Variants in POC1B observed in about 807,000 individuals in gnomAD.
POC1B encodes the protein POC1 centriolar protein homolog B.
POC1B carries 44 observed loss-of-function variants against 60.6 expected under a neutral mutation model. That is an observed-to-expected ratio of 0.73 (90% CI 0.57 to 0.93). POC1B has a LOEUF of 0.93. Ranked by LOEUF, POC1B falls within the 40% of genes least tolerant of loss-of-function variation. The probability of loss-of-function intolerance (pLI) is 0.00; values close to 1 mark genes in which losing one functional copy is unlikely to be tolerated. For synonymous variants in POC1B, 180 were observed against 198.9 expected, an observed-to-expected ratio of 0.90 and a Z score of 0.80; for missense variants, 555 against 572.3, an observed-to-expected ratio of 0.97 and a Z score of 0.31.
chr12:89,523,408 C>T lies in POC1B; in HGVS notation c.100+1712G>A, dbSNP rs1027349751. The stretch of plus-strand genomic sequence containing the variant: ...TTCATCCATCCAAACTTCTGCTGCC[C>T]GAGCAGTATTCTGTAGGAAATTGGG... On this transcript the variant is annotated intron_variant, in intron 2 of 11. Transcript: ENST00000313546. 26 of 1,613,908 alleles carry T rather than the reference C, an allele frequency of 1.6e-5. No individual in the cohort carries two copies. In the East Asian group the frequency reaches 5.1e-4, roughly 32 times the overall value.
chr12:89,423,829 G>A (rs530372545), intron 11 of POC1B, among the ~76,000 whole-genome samples: 6 of 152,256 alleles, frequency 3.9e-5, no homozygotes, highest in African/African-American at 1.4e-4. Context: ...GTAAAAAGGA[G>A]GAGAAATAGG....
the POC1B span, among the ~76,000 whole-genome samples, chr12:89,414,404 C>A: frequency 2.6e-5 from 4 of 152,232 alleles, no homozygotes; most frequent in African/African-American, 9.6e-5. Flanking sequence ...GCACATACCC[C>A]TGCCACCCAT....
chr12:89,524,800 A>C, intron 2 of POC1B: 1 of 616,842 alleles, frequency 1.6e-6, no homozygotes, highest in African/African-American at 1.8e-5. Context: ...CAAACTCTCC[A>C]GCCAACACCC....
chr12:89,420,145 T>C lies in POC1B; in HGVS notation c.*1008A>G. The C allele has an allele frequency of 6.6e-6, 1 of 152,238 alleles. No homozygotes were observed. The highest frequency in any genetic ancestry group is 1.9e-4 in the East Asian group (1 of 5,204). 9.4% of individuals were successfully genotyped at this position (152,238 alleles called of 1,614,324 possible). A position where few individuals can be genotyped will look rare whatever the true frequency, so the allele number is the denominator to read the frequency against. Reference sequence around the variant, plus strand: ...TTGCTTTTCTTCAATTTAATCTCAATTTGGTTTAAAATAAAGCAAAATTCT... The same window carrying C: ...TTGCTTTTCTTCAATTTAATCTCAACTTGGTTTAAAATAAAGCAAAATTCT... On this transcript the variant is annotated 3_prime_UTR_variant, in exon 12 of 12. Coordinates refer to ENST00000313546, the MANE Select transcript of POC1B (RefSeq NM_172240.3).
At chr12:89,479,095 A>G (rs1330614816) in intron 4 of POC1B, among the ~76,000 whole-genome samples, 1 of 152,216 alleles carries the variant, frequency 6.6e-6, no homozygotes, top group East Asian at 1.9e-4. Context: ...AGAAAATTTT[A>G]AAAGTCCAGA....
At position 89,489,496 on chromosome 12, in the gene POC1B, TA is replaced by T. The variant is rs148271750; in HGVS notation, c.452+2439del. Reference sequence around the variant, plus strand: ...ACCTTTACAAGAAAAACCTAGTGACTAAAAGTCTGACCTTCTGCCTATCTTC... The same window carrying T: ...ACCTTTACAAGAAAAACCTAGTGACTAAAGTCTGACCTTCTGCCTATCTTC... On this transcript the variant is annotated intron_variant, in intron 4 of 11. Coordinates refer to ENST00000313546, the MANE Select transcript of POC1B (RefSeq NM_172240.3). 6.6e-3 allele frequency among the ~76,000 whole-genome samples: 1,006 copies of T among 152,306 alleles called. 15 individuals carry two copies. The highest frequency in any genetic ancestry group is 0.023 in the African/African-American group (952 of 41,544).
At chr12:89,484,687 AG>A (rs1868541493) in intron 4 of POC1B, among the ~76,000 whole-genome samples, 1 of 152,244 alleles carries the variant, frequency 6.6e-6, no homozygotes, top group Non-Finnish European at 1.5e-5. Flanking sequence ...TAGTGAGCCC[AG>A]GCTCTTAACT....
At chr12:89,446,863 T>C (rs1230774193) in intron 10 of POC1B, among the ~76,000 whole-genome samples, 1 of 151,972 alleles carries the variant, frequency 6.6e-6, no homozygotes, top group Non-Finnish European at 1.5e-5. Context: ...GCAAAAAACA[T>C]ATGACAGGCA....
intron 2 of POC1B, chr12:89,520,172 C>A (rs555753702): frequency 6.6e-6 from 1 of 152,062 alleles, no homozygotes; most frequent in South Asian, 2.1e-4. Flanking sequence ...AATAAAGCAC[C>A]ACTGTAAAAT....
chr12:89,459,675 G>T lies in POC1B; in HGVS notation c.1076C>A (p.Pro359His). 1.3e-6 allele frequency: 2 copies of T among 1,537,990 alleles called. No individual in the cohort carries two copies. The highest frequency in any genetic ancestry group is 2.4e-5 in the East Asian group (1 of 42,340). ...LEVIDLQIST[P>H]PVMDILSFDS... ...AAAAGAAAGGATATCCATAACAGGGGGAGTAGAGATCTGCAAATCGATTAC... is the reference window on the plus strand; with the variant it reads ...AAAAGAAAGGATATCCATAACAGGGTGAGTAGAGATCTGCAAATCGATTAC... The change falls in exon 10 of 12, where the codon CCC (proline) becomes CAC (histidine). Residue 359 changes from proline (P) to histidine (H), a missense_variant. Physicochemically the swap from Pro to His is moderately conservative, Grantham distance 77. Coordinates refer to ENST00000313546, the MANE Select transcript of POC1B (RefSeq NM_172240.3).
At chr12:89,524,710 T>A in intron 2 of POC1B, 1 of 744,344 alleles carries the variant, frequency 1.3e-6, no homozygotes, top group Non-Finnish European at 2.2e-6. Flanking sequence ...AGGGGTCACC[T>A]GAGCCCTCTC....
chr12:89,407,326 G>A, the POC1B span, among the ~76,000 whole-genome samples: 3,857 of 151,644 alleles, frequency 0.025, 75 homozygotes, highest in Non-Finnish European at 0.036. Context: ...TCCGCCTCCC[G>A]GGTTCAAGCG....
In POC1B at chr12:89,470,391, TC is replaced by T; in HGVS notation, c.779del (p.Gly260GlufsTer84). The T allele has an allele frequency of 6.3e-7, 1 of 1,590,058 alleles. No individual in the cohort carries two copies. Among genetic ancestry groups the T allele is most frequent in the Non-Finnish European group, 8.6e-7 (1 of 1,162,578 alleles). ...GTCCTTGAAGTGTATAGATGAGCCT[TC>T]CTTCTAAGAGGTCCAGAATCTTAAG... Reference protein sequence around the residue: ...GTLKILDLLEGRLIYTLQGHT... With the variant: ...GTLKILDLLEXRLIYTLQGHT... On this transcript the variant is annotated frameshift_variant, in exon 7 of 12. Coordinates refer to ENST00000313546, the MANE Select transcript of POC1B (RefSeq NM_172240.3). LOFTEE classifies it high-confidence loss of function.
At chr12:89,488,078 T>G (rs1421907227) in intron 4 of POC1B, among the ~76,000 whole-genome samples, 2 of 152,168 alleles carry the variant, frequency 1.3e-5, no homozygotes, top group African/African-American at 2.4e-5. Flanking sequence ...AAGACCAAAT[T>G]TCACATTATT....
At chr12:89,524,728 G>C (rs1871267129) in intron 2 of POC1B, 1 of 677,800 alleles carries the variant, frequency 1.5e-6, no homozygotes, top group Non-Finnish European at 2.5e-6. Flanking sequence ...CTCGGTCCTC[G>C]GCCTCCGGCA....
intron 2 of POC1B, among the ~76,000 whole-genome samples, chr12:89,506,097 A>G (rs1182515154): frequency 6.6e-6 from 1 of 152,218 alleles, no homozygotes; most frequent in Non-Finnish European, 1.5e-5. Context: ...AATTAGACAT[A>G]CAAGTGAAAA....
chr12:89,507,127 G>T (rs1029143146), intron 2 of POC1B, among the ~76,000 whole-genome samples: 1 of 151,554 alleles, frequency 6.6e-6, no homozygotes, highest in Non-Finnish European at 1.5e-5. Context: ...AAAAAAATTA[G>T]CTGGGCATGG....
intron 10 of POC1B, among the ~76,000 whole-genome samples, chr12:89,432,788 T>C (rs566803068): frequency 3.3e-5 from 5 of 152,366 alleles, no homozygotes; most frequent in Non-Finnish European, 5.9e-5. Flanking sequence ...ATTGGAAATA[T>C]ATGATTCTAG....
chr12:89,501,674 C>A, intron 2 of POC1B: 1 of 1,073,574 alleles, frequency 9.3e-7, no homozygotes, highest in Non-Finnish European at 1.4e-6. Context: ...CGAAGAATTT[C>A]CAGGCATCCG....
Sources: allele counts gnomAD v4.1 joint callset (sites outside exome capture counted in the v4.1 genomes callset), GRCh38; gene constraint gnomAD v4.1.1; transcripts MANE v1.5; gene names NCBI Gene and HGNC (gene_info 2026-07-23, HGNC 2026-07-21).